Variants in PLPP3 observed in about 807,000 individuals in gnomAD.
PLPP3 encodes PAP2 beta.
Under a neutral mutation model 29.6 loss-of-function variants are expected in PLPP3, and 6 were observed. The observed-to-expected ratio is 0.20, with a 90% confidence interval of 0.11 to 0.40. The LOEUF is 0.40. PLPP3 is among the 10% of genes least tolerant of loss of function. The probability of loss-of-function intolerance (pLI) is 1.00; values close to 1 mark genes in which losing one functional copy is unlikely to be tolerated. For missense variants in PLPP3, 308 were observed against 407.7 expected (o/e 0.76, Z 2.11); for synonymous variants, 152 against 159.7 (o/e 0.95, Z 0.36).
intron 5 of PLPP3, among the ~76,000 whole-genome samples, chr1:56,506,768 G>T (rs1357651371): frequency 1.3e-5 from 2 of 152,136 alleles, no homozygotes; most frequent in African/African-American, 4.8e-5. Flanking sequence ...GTGTGTAGGC[G>T]GGAGGGGGCT....
chr1:56,548,598 G>A (rs943375053), intron 1 of PLPP3, among the ~76,000 whole-genome samples: 2 of 152,136 alleles, frequency 1.3e-5, no homozygotes, highest in African/African-American at 4.8e-5. Context: ...TCCTTTGAAG[G>A]GGAGACTCCT....
chr1:56,517,903 T>C (rs1645792993), intron 4 of PLPP3, among the ~76,000 whole-genome samples: 2 of 152,206 alleles, frequency 1.3e-5, no homozygotes, highest in Admixed American at 1.3e-4. Context: ...TGACCTGATC[T>C]GAAGCTGAAG....
rs188079772 is a variant in PLPP3, at chr1:56,554,430, G to C, written c.140-17318C>G. On this transcript the variant is annotated intron_variant, in intron 1 of 5. Coordinates refer to ENST00000371250, the MANE Select transcript of PLPP3 (RefSeq NM_003713.5). ...TACTAAAAATACAAAAAATGAGCCG[G>C]GCGTGTTGGCGGGCACCTGTAATCC... 6.2e-4 allele frequency among the ~76,000 whole-genome samples: 95 copies of C among 152,116 alleles called. 2 individuals are homozygous for C. The highest frequency in any genetic ancestry group is 6.1e-3 in the Admixed American group (93 of 15,290).
intron 1 of PLPP3, among the ~76,000 whole-genome samples, chr1:56,562,718 G>T (rs1476906726): frequency 6.6e-6 from 1 of 152,168 alleles, no homozygotes; most frequent in Admixed American, 6.5e-5. Context: ...GGCAAGAACA[G>T]CATCAAGCTA....
At chr1:56,572,002 C>T (rs1316889387) in intron 1 of PLPP3, among the ~76,000 whole-genome samples, 1 of 151,264 alleles carries the variant, frequency 6.6e-6, no homozygotes, top group African/African-American at 2.4e-5. Context: ...ACAGAGGGTC[C>T]CCTAGATGAC....
At chr1:56,549,723 T>A (rs1227731927) in intron 1 of PLPP3, among the ~76,000 whole-genome samples, 4 of 152,156 alleles carry the variant, frequency 2.6e-5, no homozygotes, top group African/African-American at 9.7e-5. Context: ...AGTAGAGACC[T>A]CTGGACTTCA....
chr1:56,527,517 T>G (rs1240110530), intron 2 of PLPP3, among the ~76,000 whole-genome samples: 5 of 152,146 alleles, frequency 3.3e-5, no homozygotes, highest in Non-Finnish European at 5.9e-5. Flanking sequence ...TCATTTCTAT[T>G]GTTATTAAAA....
intron 4 of PLPP3, chr1:56,517,146 G>C (rs574244171): frequency 6.6e-6 from 1 of 152,192 alleles, no homozygotes; most frequent in Non-Finnish European, 1.5e-5. Flanking sequence ...GGACAGCTCC[G>C]CTAAGAGTGA....
At chr1:56,576,910 T>G (rs913012165) in intron 1 of PLPP3, among the ~76,000 whole-genome samples, 2 of 152,180 alleles carry the variant, frequency 1.3e-5, no homozygotes, top group African/African-American at 4.8e-5. Flanking sequence ...TGGTTGTGTC[T>G]TTTTGCAAAT....
In PLPP3 at chr1:56,501,007, CAAAAAAAAA is replaced by C. The variant is rs71048436; in HGVS notation, c.811-4340_811-4332del. Among the ~76,000 whole-genome samples, 690 of 84,930 alleles carry C rather than the reference CAAAAAAAAA, an allele frequency of 8.1e-3. 3 individuals are homozygous for C. Among genetic ancestry groups the C allele is most frequent in the African/African-American group, 0.037 (656 of 17,600 alleles). The allele number at this position is 84,930 out of a possible 152,430, so 55.7% of individuals were successfully genotyped here. A position where few individuals can be genotyped will look rare whatever the true frequency, so the allele number is the denominator to read the frequency against. ...CGAGACAGCGAGACTCTGTCTCAGA[CAAAAAAAAA>C]AAAAAAAAAAAAAAAAAATCATGTT... On this transcript the variant is annotated intron_variant, in intron 5 of 5. Coordinates refer to ENST00000371250, the MANE Select transcript of PLPP3 (RefSeq NM_003713.5).
At chr1:56,511,513 A>C (rs1645741222) in intron 5 of PLPP3, among the ~76,000 whole-genome samples, 2 of 152,126 alleles carry the variant, frequency 1.3e-5, no homozygotes. Context: ...GAAGCGGAGA[A>C]GTCCCATTGC....
chr1:56,563,438 T>C (rs1182678412), intron 1 of PLPP3, among the ~76,000 whole-genome samples: 2 of 152,186 alleles, frequency 1.3e-5, no homozygotes, highest in Admixed American at 1.3e-4. Context: ...GAATTAACAA[T>C]ACAATCTGAT....
At chr1:56,533,253 C>T (rs2017955) in intron 2 of PLPP3, among the ~76,000 whole-genome samples, 41,912 of 151,934 alleles carry the variant, frequency 0.28, 5,875 homozygotes, top group Admixed American at 0.32. Flanking sequence ...CAGGTTTTCA[C>T]CATGTTGACC....
At chr1:56,554,068 G>GT (rs1646057529) in intron 1 of PLPP3, among the ~76,000 whole-genome samples, 1 of 144,728 alleles carries the variant, frequency 6.9e-6, no homozygotes, top group South Asian at 2.2e-4. Flanking sequence ...CCCCACTTTG[G>GT]CTTTTTTTTT....
At chr1:56,518,698 C>G (rs1022515670) in intron 4 of PLPP3, among the ~76,000 whole-genome samples, 1 of 131,024 alleles carries the variant, frequency 7.6e-6, no homozygotes, top group African/African-American at 2.9e-5. Flanking sequence ...GGGGAATTTA[C>G]AGCCTTTTTT....
At chr1:56,530,546 T>A (rs943677497) in intron 2 of PLPP3, among the ~76,000 whole-genome samples, 1 of 152,234 alleles carries the variant, frequency 6.6e-6, no homozygotes, top group Non-Finnish European at 1.5e-5. Context: ...CTGACAAAGA[T>A]GTGCAATCTT....
intron 1 of PLPP3, among the ~76,000 whole-genome samples, chr1:56,555,433 T>TAAAAAAAAAAAAACAAAAA (rs1646068417): frequency 3.0e-5 from 1 of 33,216 alleles, no homozygotes; most frequent in Non-Finnish European, 5.4e-5. Flanking sequence ...GGCCAAACAC[T>TAAAAAAAAAAAAACAAAAA]AAAAAAAAAA....
chr1:56,535,987 G>A (rs1310273036), intron 2 of PLPP3, among the ~76,000 whole-genome samples: 1 of 152,182 alleles, frequency 6.6e-6, no homozygotes, highest in Non-Finnish European at 1.5e-5. Flanking sequence ...AGCTACGAGA[G>A]GCTCTGAAGA....
chr1:56,578,940 G>T lies in PLPP3; in HGVS notation c.77C>A (p.Pro26Gln). 2 of 1,606,134 alleles carry T rather than the reference G, an allele frequency of 1.2e-6. No individual in the cohort carries two copies. Among genetic ancestry groups the T allele is most frequent in the South Asian group, 2.2e-5 (2 of 90,704 alleles). ...CACCCGCTTGCTGCCGCTCCTCCTC[G>T]GGTTGTTGTTGAGCGCCGGGCTGCC... is the stretch of plus-strand genomic sequence containing the variant. Reference protein sequence around the residue: ...NGGSPALNNNPRRSGSKRVLL... With the variant: ...NGGSPALNNNQRRSGSKRVLL... The change falls in exon 1 of 6, where the codon CCG becomes CAG. Residue 26 changes from proline (P) to glutamine (Q), a missense_variant. By Grantham distance (76) the Pro-to-Gln change is moderately conservative. This residue lies in a region of PLPP3 where 67 missense variants were observed against 61.3 expected (regional missense o/e 1.09). Coordinates refer to ENST00000371250, the MANE Select transcript of PLPP3 (RefSeq NM_003713.5).
Sources: gnomAD v4.1 joint callset for allele counts (sites outside exome capture counted in the v4.1 genomes callset) on GRCh38, gnomAD v4.1.1 for gene constraint, gnomAD v4.1.1 regional missense constraint, MANE v1.5 for transcripts, NCBI Gene and HGNC (gene_info 2026-07-23, HGNC 2026-07-21) for gene names.